Variants in SGCD observed in about 807,000 individuals in gnomAD.
SGCD encodes the protein delta-sarcoglycan.
Under a neutral mutation model 36.6 loss-of-function variants are expected in SGCD, and 18 were observed. That is an observed-to-expected ratio of 0.49 (90% CI 0.34 to 0.73). SGCD has a LOEUF of 0.73. SGCD is among the 30% of genes least tolerant of loss of function. The pLI is 0.01. For synonymous variants in SGCD, 133 were observed against 130.6 expected (o/e 1.02, Z -0.12); for missense variants, 387 against 346.7 (o/e 1.12, Z -0.92).
the SGCD span, among the ~76,000 whole-genome samples, chr5:155,737,703 C>A: frequency 6.7e-6 from 1 of 148,936 alleles, no homozygotes; most frequent in African/African-American, 2.5e-5. Flanking sequence ...GACACCCACT[C>A]ATGCCTGCGA....
At chr5:156,315,430 A>G (rs1264627312) in intron 3 of SGCD, among the ~76,000 whole-genome samples, 2 of 151,982 alleles carry the variant, frequency 1.3e-5, no homozygotes, top group Non-Finnish European at 2.9e-5. Context: ...TACTGTGTGT[A>G]TCAATCACAT....
chr5:156,008,513 C>A (rs1218376859), intron 1 of SGCD, among the ~76,000 whole-genome samples: 2 of 152,122 alleles, frequency 1.3e-5, no homozygotes, highest in Non-Finnish European at 2.9e-5. Flanking sequence ...GTTCCTAGGA[C>A]TATAGGCATG....
chr5:155,903,730 C>T (rs1352172707), intron 1 of SGCD, among the ~76,000 whole-genome samples: 1 of 152,148 alleles, frequency 6.6e-6, no homozygotes, highest in East Asian at 1.9e-4. Flanking sequence ...AAAACACCTA[C>T]GATGTACAAA....
At chr5:156,330,983 T>C (rs1403436151) in intron 2 of SGCD, among the ~76,000 whole-genome samples, 1 of 152,234 alleles carries the variant, frequency 6.6e-6, no homozygotes, top group African/African-American at 2.4e-5. Flanking sequence ...GTACAGATAA[T>C]GCACTTAGCA....
At chr5:156,418,119 A>G (rs1773137591) in intron 3 of SGCD, among the ~76,000 whole-genome samples, 1 of 152,182 alleles carries the variant, frequency 6.6e-6, no homozygotes, top group Admixed American at 6.5e-5. Context: ...GGATGGAAAG[A>G]CTTGCTGTAG....
At chr5:156,505,499 T>C (rs2127870382) in intron 3 of SGCD, among the ~76,000 whole-genome samples, 1 of 152,300 alleles carries the variant, frequency 6.6e-6, no homozygotes, top group African/African-American at 2.4e-5. Context: ...CAGAAGAAGC[T>C]GCAGGAGGCT....
intron 3 of SGCD, among the ~76,000 whole-genome samples, chr5:156,352,661 A>T (rs1769315661): frequency 6.6e-6 from 1 of 152,236 alleles, no homozygotes; most frequent in Non-Finnish European, 1.5e-5. Flanking sequence ...GTGATCATGT[A>T]AGAAATGAAT....
chr5:156,628,809 C>T (rs969688642), intron 6 of SGCD, among the ~76,000 whole-genome samples: 1 of 152,178 alleles, frequency 6.6e-6, no homozygotes, highest in Non-Finnish European at 1.5e-5. Context: ...TGTGACTGAA[C>T]CACAGGATAC....
At chr5:156,222,325 A>G (rs1318026456) in intron 3 of SGCD, among the ~76,000 whole-genome samples, 3 of 152,158 alleles carry the variant, frequency 2.0e-5, no homozygotes, top group African/African-American at 7.2e-5. Flanking sequence ...ATTGGTGGAC[A>G]TAAGGTAGAA....
At chr5:155,729,690 C>T in the SGCD span, among the ~76,000 whole-genome samples, 1 of 152,222 alleles carries the variant, frequency 6.6e-6, no homozygotes, top group Non-Finnish European at 1.5e-5. Flanking sequence ...CCCGGGCTGC[C>T]TCTGCTGCTT....
chr5:156,030,861 C>G lies in SGCD; in HGVS notation c.-281-87017C>G, dbSNP rs1581051682. 2.0e-5 allele frequency among the ~76,000 whole-genome samples: 3 copies of G among 152,230 alleles called. No individual in the cohort carries two copies. The South Asian group carries it at 6.2e-4, about 32-fold the overall frequency. ...GGTACAAATAGTACAAATAGAAACA[C>G]ACATAGAATATACCATGGACTGTGT... On this transcript the variant is annotated intron_variant, in intron 1 of 9. Transcript: ENST00000517913.
chr5:156,746,751 T>C (rs565686054), intron 7 of SGCD, among the ~76,000 whole-genome samples: 3 of 152,288 alleles, frequency 2.0e-5, no homozygotes, highest in African/African-American at 7.2e-5. Context: ...GCTAAAACTA[T>C]AAAGATTCTA....
chr5:156,432,497 G>A (rs1318901629), intron 3 of SGCD, among the ~76,000 whole-genome samples: 2 of 152,146 alleles, frequency 1.3e-5, no homozygotes, highest in Non-Finnish European at 2.9e-5. Flanking sequence ...TGGTTTCTCA[G>A]GCATTGGGCG....
intron 3 of SGCD, among the ~76,000 whole-genome samples, chr5:156,268,392 C>T (rs978060486): frequency 9.2e-5 from 14 of 152,234 alleles, no homozygotes; most frequent in African/African-American, 3.4e-4. Flanking sequence ...GCCATATTGG[C>T]TTTACACAAT....
At chr5:156,610,615 A>C (rs917013035) in intron 6 of SGCD, among the ~76,000 whole-genome samples, 1 of 152,120 alleles carries the variant, frequency 6.6e-6, no homozygotes, top group Admixed American at 6.5e-5. Flanking sequence ...GCTGCCTTTT[A>C]TTTGGCTATG....
chr5:156,385,054 T>A (rs1031213989), intron 3 of SGCD, among the ~76,000 whole-genome samples: 1 of 152,126 alleles, frequency 6.6e-6, no homozygotes, highest in African/African-American at 2.4e-5. Flanking sequence ...ATGCACACCA[T>A]TAAAATCATC....
intron 4 of SGCD, among the ~76,000 whole-genome samples, chr5:156,518,991 A>T (rs10053090): frequency 3.2e-4 from 49 of 152,168 alleles, no homozygotes; most frequent in African/African-American, 1.1e-3. Context: ...ACAAGAAGTT[A>T]CCAAAATCAG....
intron 4 of SGCD, among the ~76,000 whole-genome samples, chr5:156,581,690 C>A (rs1338564166): frequency 3.9e-5 from 6 of 152,220 alleles, no homozygotes; most frequent in African/African-American, 1.4e-4. Flanking sequence ...GCTGCGCTAG[C>A]AGTGAGCAAG....
chr5:155,996,059 T>C (rs1479266357), intron 1 of SGCD, among the ~76,000 whole-genome samples: 1 of 150,248 alleles, frequency 6.7e-6, no homozygotes, highest in Non-Finnish European at 1.5e-5. Context: ...GGCATATGAT[T>C]AGGTGTTGTT....
Sources: allele counts gnomAD v4.1 joint callset (sites outside exome capture counted in the v4.1 genomes callset), GRCh38; gene constraint gnomAD v4.1.1; transcripts MANE v1.5; gene names NCBI Gene and HGNC (gene_info 2026-07-23, HGNC 2026-07-21).